The following PPP1R12B variants were observed in gnomAD, a reference collection of about 807,000 sequenced individuals.
PPP1R12B encodes protein phosphatase 1 regulatory subunit 12B.
A neutral mutation model predicts 126.1 loss-of-function variants in PPP1R12B; 76 were observed. The observed-to-expected ratio is 0.60, with a 90% CI of 0.50 to 0.73. The LOEUF (loss-of-function observed/expected upper bound fraction) is 0.73. Among genes scored for constraint, PPP1R12B ranks in the 30% least tolerant of loss-of-function variants. The pLI is 0.00. For missense variants in PPP1R12B, 1,052 were observed against 1,205.1 expected (o/e 0.87, Z 1.88); for synonymous variants, 356 against 434.7 (o/e 0.82, Z 2.25).
chr1:202,358,143 G>A (rs1044097097), intron 1 of PPP1R12B, among the ~76,000 whole-genome samples: 5 of 152,104 alleles, frequency 3.3e-5, no homozygotes, highest in African/African-American at 1.2e-4. Context: ...TAAGACCTTG[G>A]CCCAGAATGT....
intron 10 of PPP1R12B, chr1:202,438,905 G>T: frequency 6.7e-7 from 1 of 1,498,970 alleles, no homozygotes; most frequent in Non-Finnish European, 9.2e-7. Flanking sequence ...TCCACCGCAC[G>T]CGGCCCTGTG....
At chr1:202,487,603 C>CTTTTTT (rs35559949) in intron 13 of PPP1R12B, among the ~76,000 whole-genome samples, 1 of 147,062 alleles carries the variant, frequency 6.8e-6, no homozygotes, top group Non-Finnish European at 1.5e-5. Context: ...AGATACATTT[C>CTTTTTT]TTTTTTTTTT....
intron 22 of PPP1R12B, among the ~76,000 whole-genome samples, chr1:202,568,097 A>G (rs1688227055): frequency 6.6e-6 from 1 of 152,156 alleles, no homozygotes; most frequent in African/African-American, 2.4e-5. Flanking sequence ...CATCTCGTAC[A>G]TTGTTCTGAC....
chr1:202,449,221 G>C, intron 13 of PPP1R12B, 50 bp downstream of exon 13: 23 of 1,539,748 alleles, frequency 1.5e-5, no homozygotes, highest in Non-Finnish European at 1.9e-5. Context: ...TGAGGTAGAC[G>C]ATAAAGGAAT....
chr1:202,361,671 A>G (rs949655198), intron 1 of PPP1R12B, among the ~76,000 whole-genome samples: 3 of 152,172 alleles, frequency 2.0e-5, no homozygotes, highest in African/African-American at 7.2e-5. Context: ...GTTCAGTAAT[A>G]TGGTTTCTTA....
At chr1:202,510,527 T>C (rs1483873444) in intron 18 of PPP1R12B, among the ~76,000 whole-genome samples, 1 of 152,116 alleles carries the variant, frequency 6.6e-6, no homozygotes, top group Non-Finnish European at 1.5e-5. Context: ...CATTAAAGAG[T>C]AGGATTAACT....
chr1:202,386,191 G>A lies in PPP1R12B; in HGVS notation c.292-30596G>A, dbSNP rs188485690. On this transcript the variant is annotated intron_variant, in intron 1 of 23. Coordinates refer to ENST00000608999, the MANE Select transcript of PPP1R12B (RefSeq NM_002481.4). Reference sequence around the variant, plus strand: ...CTCATGATCCACCCGACCTCCCAAAGTACTGGGATTACAGGCGTGAGCCAC... The same window carrying A: ...CTCATGATCCACCCGACCTCCCAAAATACTGGGATTACAGGCGTGAGCCAC... Among the ~76,000 whole-genome samples, 21 of 152,178 alleles carry A rather than the reference G, an allele frequency of 1.4e-4. No homozygotes were observed. In the East Asian group the frequency reaches 4.1e-3, roughly 29 times the overall value.
chr1:202,452,848 A>G (rs1482221730), intron 13 of PPP1R12B, among the ~76,000 whole-genome samples: 1 of 149,142 alleles, frequency 6.7e-6, no homozygotes, highest in African/African-American at 2.5e-5. Flanking sequence ...TTTTTTTTAA[A>G]TAGAGATGGG....
At chr1:202,558,502 G>A in intron 18 of PPP1R12B, 1 of 176,204 alleles carries the variant, frequency 5.7e-6, no homozygotes. Flanking sequence ...GATCCAGAGA[G>A]GCCAAATGTC....
At chr1:202,434,253 C>T (rs1391054173) in intron 8 of PPP1R12B, among the ~76,000 whole-genome samples, 1 of 152,024 alleles carries the variant, frequency 6.6e-6, no homozygotes, top group Non-Finnish European at 1.5e-5. Context: ...AAGTGGTGTG[C>T]CTAAGATCTG....
chr1:202,434,880 T>A, intron 9 of PPP1R12B, 112 bp downstream of exon 9: 1 of 1,477,904 alleles, frequency 6.8e-7, no homozygotes, highest in Non-Finnish European at 8.9e-7. Flanking sequence ...ACATTTTTCC[T>A]GTCATAATCT....
intron 18 of PPP1R12B, among the ~76,000 whole-genome samples, chr1:202,511,023 A>T (rs1681421796): frequency 6.8e-6 from 1 of 146,836 alleles, no homozygotes; most frequent in African/African-American, 2.5e-5. Context: ...TAATTTATTA[A>T]TATAAATATA....
At chr1:202,451,802 A>ACCC (rs1285916845) in intron 13 of PPP1R12B, among the ~76,000 whole-genome samples, 32 of 140,808 alleles carry the variant, frequency 2.3e-4, no homozygotes, top group African/African-American at 8.5e-4. Context: ...GTGGGGGCTG[A>ACCC]CCCCCCACCT....
At chr1:202,514,718 C>T (rs924302741) in intron 18 of PPP1R12B, among the ~76,000 whole-genome samples, 2 of 152,088 alleles carry the variant, frequency 1.3e-5, no homozygotes, top group South Asian at 2.1e-4. Context: ...TCAGCTTTGT[C>T]GAAGATCAGA....
chr1:202,351,915 C>T (rs1225901386), intron 1 of PPP1R12B, among the ~76,000 whole-genome samples: 2 of 152,146 alleles, frequency 1.3e-5, no homozygotes, highest in African/African-American at 4.8e-5. Context: ...TCTTTCTTGG[C>T]AGCCTTTGCT....
chr1:202,474,813 T>C (rs1195922888), intron 13 of PPP1R12B, among the ~76,000 whole-genome samples: 2 of 152,192 alleles, frequency 1.3e-5, no homozygotes, highest in Non-Finnish European at 2.9e-5. Flanking sequence ...CACATGTGAC[T>C]AGTGGCAACC....
intron 1 of PPP1R12B, among the ~76,000 whole-genome samples, chr1:202,401,196 CT>C (rs796448303): frequency 2.5e-4 from 36 of 145,076 alleles, no homozygotes; most frequent in Non-Finnish European, 2.7e-4. Context: ...TCTTTTTTCT[CT>C]TTTTTTTTTA....
At chr1:202,438,292 A>G (rs762455599) in intron 10 of PPP1R12B, 2 of 1,529,120 alleles carry the variant, frequency 1.3e-6, no homozygotes, top group South Asian at 1.1e-5. Context: ...ACCTAAAGCA[A>G]AAAATGGATC....
chr1:202,377,912 T>C (rs1200648941), intron 1 of PPP1R12B, among the ~76,000 whole-genome samples: 1 of 135,866 alleles, frequency 7.4e-6, no homozygotes, highest in Non-Finnish European at 1.5e-5. Context: ...CGATCTCGGC[T>C]CACTGCAGGC....
Sources: gnomAD v4.1 joint callset for allele counts (sites outside exome capture counted in the v4.1 genomes callset) on GRCh38, gnomAD v4.1.1 for gene constraint, MANE v1.5 for transcripts, NCBI Gene and HGNC (gene_info 2026-07-23, HGNC 2026-07-21) for gene names.